Variants in ARHGEF26 observed in about 807,000 individuals in gnomAD.
ARHGEF26 encodes the protein Rho guanine nucleotide exchange factor 26.
A neutral mutation model predicts 89.4 loss-of-function variants in ARHGEF26; 59 were observed. That is an observed-to-expected ratio of 0.66 (90% CI 0.54 to 0.82). The LOEUF (loss-of-function observed/expected upper bound fraction) is 0.82, where lower values mean the gene tolerates loss of function less well. Among genes scored for constraint, ARHGEF26 ranks in the 40% least tolerant of loss-of-function variants. The pLI, the probability that ARHGEF26 is intolerant of heterozygous loss-of-function variation, is 0.00. For synonymous variants in ARHGEF26, 500 were observed against 428.4 expected (o/e 1.17, Z -2.06); for missense variants, 1,234 against 1,085.6 (o/e 1.14, Z -1.92).
intron 11 of ARHGEF26, among the ~76,000 whole-genome samples, chr3:154,226,697 C>A (rs867763818): frequency 4.2e-5 from 5 of 119,782 alleles, no homozygotes; most frequent in African/African-American, 1.4e-4. Flanking sequence ...ACACACACAC[C>A]CCTTCAGCTC....
chr3:154,252,668 GTCAAGTTTC>G (rs1718230690), intron 12 of ARHGEF26, among the ~76,000 whole-genome samples: 1 of 152,198 alleles, frequency 6.6e-6, no homozygotes, highest in South Asian at 2.1e-4. Flanking sequence ...AACTAAATAT[GTCAAGTTTC>G]TCAAGTTTAC....
chr3:154,187,112 G>A lies in ARHGEF26; in HGVS notation c.1488-573G>A, dbSNP rs1007962705. On this transcript the variant is annotated intron_variant, in intron 6 of 14. Coordinates refer to ENST00000465093, the MANE Select transcript of ARHGEF26 (RefSeq NM_015595.4). The stretch of plus-strand genomic sequence containing the variant: ...TCACCATGTTGGCCAGGATGGTCTC[G>A]ATCCCTTCAACTCATAATCCACCCG... 4 of 342,038 alleles carry A rather than the reference G, an allele frequency of 1.2e-5. 1 individual carries two copies. The highest frequency in any genetic ancestry group is 1.7e-5 in the Non-Finnish European group (4 of 242,330). 21.2% of individuals were successfully genotyped at this position (342,038 alleles called of 1,614,324 possible).
At chr3:154,146,434 C>T (rs1312289681) in intron 4 of ARHGEF26, among the ~76,000 whole-genome samples, 1 of 145,620 alleles carries the variant, frequency 6.9e-6, no homozygotes, top group Non-Finnish European at 1.5e-5. Context: ...GTCTAATTAC[C>T]TTTTGGATCT....
At chr3:154,224,906 T>C (rs913021238) in intron 10 of ARHGEF26, among the ~76,000 whole-genome samples, 1 of 152,198 alleles carries the variant, frequency 6.6e-6, no homozygotes, top group Non-Finnish European at 1.5e-5. Flanking sequence ...CTCAATTTCC[T>C]TTAGCTATTT....
intron 12 of ARHGEF26, among the ~76,000 whole-genome samples, chr3:154,248,282 A>G (rs1297234212): frequency 6.6e-6 from 1 of 152,200 alleles, no homozygotes; most frequent in African/African-American, 2.4e-5. Flanking sequence ...TCAACCATCC[A>G]GACACCAATT....
chr3:154,223,552 C>T (rs1716272050), intron 10 of ARHGEF26, among the ~76,000 whole-genome samples: 1 of 152,040 alleles, frequency 6.6e-6, no homozygotes, highest in Non-Finnish European at 1.5e-5. Context: ...TGTGGATGAA[C>T]CTTGGAAATG....
In ARHGEF26 at chr3:154,257,715, C is replaced by T. The variant is rs1408720513; in HGVS notation, c.*2242C>T. ...CTATGGACACCTGCTCTGAATTGTA[C>T]ATTGACTTCATTACTAAAGAACAAA... is the stretch of plus-strand genomic sequence containing the variant. On this transcript the variant is annotated 3_prime_UTR_variant, in exon 15 of 15. Transcript: ENST00000465093. 1 of 152,058 alleles carries T rather than the reference C, an allele frequency of 6.6e-6. No individual in the cohort carries two copies. The highest frequency in any genetic ancestry group is 2.4e-5 in the African/African-American group (1 of 41,382). The allele number at this position is 152,058 out of a possible 1,614,324, so 9.4% of individuals were successfully genotyped here.
chr3:154,176,580 G>A (rs1230134521), intron 6 of ARHGEF26, among the ~76,000 whole-genome samples: 2 of 152,110 alleles, frequency 1.3e-5, no homozygotes, highest in African/African-American at 2.4e-5. Flanking sequence ...ATGGGTCCAG[G>A]CATTTAGGCT....
chr3:154,150,274 A>G (rs1362797962), intron 5 of ARHGEF26, among the ~76,000 whole-genome samples: 3 of 151,968 alleles, frequency 2.0e-5, no homozygotes, highest in Non-Finnish European at 4.4e-5. Flanking sequence ...ATGTATAACA[A>G]TCGTAATTTT....
At chr3:154,166,820 G>T (rs1576726464) in intron 6 of ARHGEF26, among the ~76,000 whole-genome samples, 2 of 152,144 alleles carry the variant, frequency 1.3e-5, no homozygotes, top group African/African-American at 4.8e-5. Context: ...AATGTACATG[G>T]TGTAAAATTC....
At chr3:154,225,737 A>G (rs1716443902) in intron 10 of ARHGEF26, 119 bp from the exon 11 acceptor site, 1 of 1,088,134 alleles carries the variant, frequency 9.2e-7, no homozygotes, top group Non-Finnish European at 1.3e-6. Flanking sequence ...TGCCTATAAA[A>G]CAATGATGCA....
intron 6 of ARHGEF26, among the ~76,000 whole-genome samples, chr3:154,156,089 A>T (rs1720324102): frequency 6.6e-6 from 1 of 151,998 alleles, no homozygotes; most frequent in Non-Finnish European, 1.5e-5. Context: ...CTGTCTGTGT[A>T]CTTATCTGTA....
intron 4 of ARHGEF26, among the ~76,000 whole-genome samples, chr3:154,139,999 A>G (rs1166224929): frequency 2.6e-5 from 4 of 152,186 alleles, no homozygotes; most frequent in Admixed American, 1.3e-4. Flanking sequence ...AAATGGAGCA[A>G]TTTCCACTTA....
chr3:154,154,791 C>T (rs976144604), intron 6 of ARHGEF26, among the ~76,000 whole-genome samples: 19 of 152,038 alleles, frequency 1.2e-4, no homozygotes, highest in Middle Eastern at 3.4e-3. Flanking sequence ...TAATTATCAT[C>T]GAGTAACTGT....
intron 11 of ARHGEF26, among the ~76,000 whole-genome samples, chr3:154,237,959 CCT>C (rs1717223632): frequency 6.6e-6 from 1 of 152,066 alleles, no homozygotes; most frequent in South Asian, 2.1e-4. Context: ...CTCAGTTCAT[CCT>C]CTTTTTCTCT....
chr3:154,130,419 G>A (rs1158363413), intron 4 of ARHGEF26, among the ~76,000 whole-genome samples: 1 of 152,116 alleles, frequency 6.6e-6, no homozygotes, highest in Non-Finnish European at 1.5e-5. Flanking sequence ...GGGATTACAG[G>A]CATGAGCCAC....
chr3:154,160,325 A>G (rs1265062582), intron 6 of ARHGEF26, among the ~76,000 whole-genome samples: 3 of 152,202 alleles, frequency 2.0e-5, no homozygotes, highest in Non-Finnish European at 4.4e-5. Context: ...CAATAAAGAA[A>G]GAAAAACTAG....
In ARHGEF26 at chr3:154,137,781, A is replaced by C. The variant is rs551705497; in HGVS notation, c.1269+8062A>C. Among the ~76,000 whole-genome samples the C allele has an allele frequency of 2.0e-5, 3 of 150,186 alleles. No homozygotes were observed. In the East Asian group the frequency reaches 5.9e-4, roughly 30 times the overall value. ...CTCTTGAGCCCAGGAGTTTGAGACCAGCCTGGGCAACATAGTGAGACCCCT... is the reference window on the plus strand; with the variant it reads ...CTCTTGAGCCCAGGAGTTTGAGACCCGCCTGGGCAACATAGTGAGACCCCT... On this transcript the variant is annotated intron_variant, in intron 4 of 14. Coordinates refer to ENST00000465093, the MANE Select transcript of ARHGEF26 (RefSeq NM_015595.4).
rs397757857 is a variant in ARHGEF26 at position 154,138,249 on chromosome 3, T to TA, written c.1269+8532dup. On this transcript the variant is annotated intron_variant, in intron 4 of 14. Transcript: ENST00000465093. ...ACACATGTATACATGTAAATTTTTT[T>TA]AATAATTTTTGTTTTTTCAGTTTTA... is the stretch of plus-strand genomic sequence containing the variant. Among the ~76,000 whole-genome samples, 771 of 151,492 alleles carry TA rather than the reference T, an allele frequency of 5.1e-3. 5 individuals are homozygous for TA. The highest frequency in any genetic ancestry group is 0.017 in the African/African-American group (711 of 41,316).
Sources: allele counts gnomAD v4.1 joint callset (sites outside exome capture counted in the v4.1 genomes callset), GRCh38; gene constraint gnomAD v4.1.1; transcripts MANE v1.5; gene names NCBI Gene and HGNC (gene_info 2026-07-23, HGNC 2026-07-21).